FGF18: variants seen among roughly 807,000 people sequenced by gnomAD.
The protein encoded by FGF18 is fibroblast growth factor 18.
Under a neutral mutation model 23.0 loss-of-function variants are expected in FGF18, and 5 were observed. That is an observed-to-expected ratio of 0.22 (90% CI 0.11 to 0.46). The LOEUF (loss-of-function observed/expected upper bound fraction) is 0.46. FGF18 is among the 20% of genes least tolerant of loss of function. The pLI is 0.99. For missense variants in FGF18, 180 were observed against 291.6 expected (o/e 0.62, Z 2.79); for synonymous variants, 117 against 118.9 (o/e 0.98, Z 0.10).
intron 2 of FGF18, among the ~76,000 whole-genome samples, chr5:171,425,626 G>A (rs1309174346): frequency 6.6e-6 from 1 of 151,684 alleles, no homozygotes; most frequent in Non-Finnish European, 1.5e-5. Context: ...TGCCTGCCGG[G>A]TTCACGCCAT....
At chr5:171,454,901 A>T (rs1772560460) in intron 4 of FGF18, among the ~76,000 whole-genome samples, 1 of 152,160 alleles carries the variant, frequency 6.6e-6, no homozygotes, top group African/African-American at 2.4e-5. Context: ...CAGAGAGGAG[A>T]CTAACACCCT....
chr5:171,444,302 G>A (rs1424728968), intron 3 of FGF18, among the ~76,000 whole-genome samples: 1 of 152,222 alleles, frequency 6.6e-6, no homozygotes, highest in Admixed American at 6.5e-5. Context: ...CAAAGCCCAA[G>A]ACTTCTGGGT....
Position 171,457,532 on chromosome 5 carries a change from G to A in FGF18, c.*727G>A, listed in dbSNP as rs946126001. 3 of 151,618 alleles carry A rather than the reference G, an allele frequency of 2.0e-5. No homozygotes were observed. The highest frequency in any genetic ancestry group is 2.0e-4 in the Admixed American group (3 of 15,228). The allele number at this position is 151,618 out of a possible 1,614,324, so 9.4% of individuals were successfully genotyped here. On this transcript the variant is annotated 3_prime_UTR_variant, in exon 5 of 5. Transcript: ENST00000274625. ...TATTATATATATTATATATATATAA[G>A]CTATTTATTTCACCTCTCTGTATAT...
intron 2 of FGF18, among the ~76,000 whole-genome samples, chr5:171,422,919 G>A (rs1772037769): frequency 6.6e-6 from 1 of 152,216 alleles, no homozygotes; most frequent in Non-Finnish European, 1.5e-5. Flanking sequence ...GGTTGGTCAT[G>A]GAGTTGAACT....
Position 171,435,017 on chromosome 5 carries a change from G to A in FGF18, c.70-1076G>A, listed in dbSNP as rs192744731. Among the ~76,000 whole-genome samples, 224 of 152,286 alleles carry A rather than the reference G, an allele frequency of 1.5e-3. 3 individuals carry two copies. The highest frequency in any genetic ancestry group is 2.5e-3 in the Non-Finnish European group (168 of 68,026). On this transcript the variant is annotated intron_variant, in intron 2 of 4. Transcript: ENST00000274625. Reference sequence around the variant, plus strand: ...TGAGCTCAAGGGGTTAGAATGTAAGGATCTGAGAAAGAGCATCAAAGCAGA... The same window carrying A: ...TGAGCTCAAGGGGTTAGAATGTAAGAATCTGAGAAAGAGCATCAAAGCAGA...
At position 171,456,172 on chromosome 5, in the gene FGF18, G is replaced by C. The variant is rs1184448820; in HGVS notation, c.358-367G>C. ...CCAGTTTTAGCAAGAGCCCTGCTAA[G>C]TCAGTTTAGCAAGGATCCCCCACTC... On this transcript the variant is annotated intron_variant, in intron 4 of 4. Coordinates refer to ENST00000274625, the MANE Select transcript of FGF18 (RefSeq NM_003862.3). This position sits in a 1 kb window ranked among gnomAD's most constrained non-coding sequence, Gnocchi z 6.1. 6.6e-6 allele frequency among the ~76,000 whole-genome samples: 1 copy of C among 152,176 alleles called. No individual in the cohort carries two copies. The highest frequency in any genetic ancestry group is 6.5e-5 in the Admixed American group (1 of 15,284).
chr5:171,421,200 T>A (rs538535884), intron 2 of FGF18, among the ~76,000 whole-genome samples: 32 of 149,770 alleles, frequency 2.1e-4, no homozygotes, highest in Admixed American at 1.8e-3. Flanking sequence ...CGCAGACAGT[T>A]GGAACGCTCT....
chr5:171,434,598 G>A lies in FGF18; in HGVS notation c.70-1495G>A, dbSNP rs148177887. Among the ~76,000 whole-genome samples, 183 of 152,278 alleles carry A rather than the reference G, an allele frequency of 1.2e-3. 1 individual carries two copies. The highest frequency in any genetic ancestry group is 6.3e-3 in the Admixed American group (96 of 15,308). ...ACCCAGAATGCTGTCTGGGCTTCAG[G>A]AATGGCTCAGCCTTGTGGTTGACAT... is the stretch of plus-strand genomic sequence containing the variant. On this transcript the variant is annotated intron_variant, in intron 2 of 4. Transcript: ENST00000274625. The surrounding 1 kb of genome is among the most constrained non-coding windows in gnomAD (Gnocchi z 4.6).
chr5:171,425,268 G>A (rs1772073077), intron 2 of FGF18, among the ~76,000 whole-genome samples: 1 of 152,304 alleles, frequency 6.6e-6, no homozygotes, highest in African/African-American at 2.4e-5. Flanking sequence ...TGTTGAGTTG[G>A]AGTCTCACTC....
chr5:171,454,262 A>G (rs1402049713), intron 4 of FGF18, among the ~76,000 whole-genome samples: 1 of 152,194 alleles, frequency 6.6e-6, no homozygotes, highest in African/African-American at 2.4e-5. Context: ...GCCATTTTCC[A>G]GGCAGTGGCA....
Position 171,457,132 on chromosome 5 carries a change from G to T in FGF18, c.*327G>T. Reference sequence around the variant, plus strand: ...GAAACCAACACTTTGAGAAACCAAAGTCCTTTTTCCCAAAGGTTCTGAAAG... The same window carrying T: ...GAAACCAACACTTTGAGAAACCAAATTCCTTTTTCCCAAAGGTTCTGAAAG... On this transcript the variant is annotated 3_prime_UTR_variant, in exon 5 of 5. Coordinates refer to ENST00000274625, the MANE Select transcript of FGF18 (RefSeq NM_003862.3). The T allele has an allele frequency of 2.7e-5, 5 of 181,972 alleles. No individual in the cohort carries two copies. The highest frequency in any genetic ancestry group is 4.3e-5 in the Non-Finnish European group (4 of 92,558). The allele number at this position is 181,972 out of a possible 1,614,324, so 11.3% of individuals were successfully genotyped here.
intron 2 of FGF18, among the ~76,000 whole-genome samples, chr5:171,430,415 G>A (rs1182551148): frequency 6.6e-6 from 1 of 151,188 alleles, no homozygotes; most frequent in Non-Finnish European, 1.5e-5. Context: ...GCATTACATA[G>A]GAAGACATCC....
chr5:171,448,240 G>A (rs1182969981), intron 3 of FGF18, among the ~76,000 whole-genome samples: 1 of 152,170 alleles, frequency 6.6e-6, no homozygotes, highest in Non-Finnish European at 1.5e-5. Context: ...CCACCCTGGG[G>A]GGAATCCCAG....
intron 2 of FGF18, among the ~76,000 whole-genome samples, chr5:171,428,873 C>A (rs1772137116): frequency 6.6e-6 from 1 of 152,178 alleles, no homozygotes; most frequent in African/African-American, 2.4e-5. Flanking sequence ...GCAGCGGTGC[C>A]CATATTGATG....
intron 4 of FGF18, among the ~76,000 whole-genome samples, chr5:171,452,131 C>T (rs145463175): frequency 8.1e-4 from 124 of 152,382 alleles, no homozygotes; most frequent in Admixed American, 1.8e-3. Context: ...TTATTCACAT[C>T]AACCCAAGGG....
rs1249937706 is a variant in FGF18 at position 171,456,834 on chromosome 5, C to G, written c.*29C>G. 2 of 1,583,190 alleles carry G rather than the reference C, an allele frequency of 1.3e-6. No individual in the cohort carries two copies. Among genetic ancestry groups the G allele is most frequent in the Non-Finnish European group, 1.7e-6 (2 of 1,164,568 alleles). ...ACCCCGCCGCGGCCCCTCAGGTCGC[C>G]CTGGCCACACTCACACTCCCAGAAA... On this transcript the variant is annotated 3_prime_UTR_variant, in exon 5 of 5. Coordinates refer to ENST00000274625, the MANE Select transcript of FGF18 (RefSeq NM_003862.3). The surrounding 1 kb of genome is among the most constrained non-coding windows in gnomAD (Gnocchi z 6.1).
intron 3 of FGF18, among the ~76,000 whole-genome samples, chr5:171,444,698 C>G (rs1772392971): frequency 6.6e-6 from 1 of 152,076 alleles, no homozygotes; most frequent in Admixed American, 6.5e-5. Flanking sequence ...TGGAATCAGA[C>G]GCTGGACTCA....
At chr5:171,432,628 C>T (rs934134420) in intron 2 of FGF18, among the ~76,000 whole-genome samples, 14 of 152,120 alleles carry the variant, frequency 9.2e-5, no homozygotes, top group Non-Finnish European at 1.9e-4. Context: ...TGGTCTTGAA[C>T]TCCTGGCCTC....
intron 2 of FGF18, among the ~76,000 whole-genome samples, chr5:171,432,254 C>T (rs1483344696): frequency 6.6e-6 from 1 of 152,092 alleles, no homozygotes; most frequent in Non-Finnish European, 1.5e-5. Context: ...AGTGGATGTT[C>T]CCGAGGCAGC....
Sources: gnomAD v4.1 joint callset for allele counts (sites outside exome capture counted in the v4.1 genomes callset) on GRCh38, gnomAD v4.1.1 for gene constraint, Gnocchi (gnomAD v3.1) non-coding constraint, MANE v1.5 for transcripts, NCBI Gene and HGNC (gene_info 2026-07-23, HGNC 2026-07-21) for gene names.